Variants in HYDIN observed in about 807,000 individuals in gnomAD.
HYDIN encodes axonemal central pair apparatus protein HYDIN.
HYDIN carries 132 observed loss-of-function variants against 403.9 expected under a neutral mutation model. That is an observed-to-expected ratio of 0.33 (90% CI 0.28 to 0.38). HYDIN has a LOEUF of 0.38. HYDIN is among the 10% of genes least tolerant of loss of function. The probability of loss-of-function intolerance (pLI) is 1.00; values close to 1 mark genes in which losing one functional copy is unlikely to be tolerated. For synonymous variants in HYDIN, 1,202 were observed against 1,891.7 expected (o/e 0.64, Z 9.46); for missense variants, 2,827 against 5,009.5 (o/e 0.56, Z 13.15).
At chr16:71,058,423 T>C (rs2081971348) in intron 18 of HYDIN, among the ~76,000 whole-genome samples, 1 of 112,132 alleles carries the variant, frequency 8.9e-6, no homozygotes, top group Admixed American at 9.9e-5. Context: ...AAGGGGAACA[T>C]CACACTCTGG....
intron 8 of HYDIN, among the ~76,000 whole-genome samples, chr16:71,134,041 G>A (rs2084816298): frequency 6.6e-6 from 1 of 151,976 alleles, no homozygotes; most frequent in Admixed American, 6.5e-5. Context: ...ATACTTTGAG[G>A]TAGGTGTGGA....
chr16:71,126,615 G>A (rs985557880), intron 9 of HYDIN, among the ~76,000 whole-genome samples: 2 of 152,116 alleles, frequency 1.3e-5, no homozygotes, highest in African/African-American at 4.8e-5. Flanking sequence ...TCCTGAGGAT[G>A]GGTGGCCCTG....
chr16:71,151,433 G>C (rs1465815010), intron 7 of HYDIN, among the ~76,000 whole-genome samples: 3 of 150,574 alleles, frequency 2.0e-5, no homozygotes, highest in Non-Finnish European at 4.4e-5. Flanking sequence ...TCCTTCTCTG[G>C]GTGTACCTTC....
intron 43 of HYDIN, among the ~76,000 whole-genome samples, chr16:70,939,240 T>C (rs2077595045): frequency 1.3e-5 from 2 of 152,128 alleles, no homozygotes; most frequent in African/African-American, 4.8e-5. Flanking sequence ...AAAAAGGGGC[T>C]ACCTAACAGC....
intron 69 of HYDIN, 110 bp from the exon 70 acceptor site, chr16:70,861,011 A>G: frequency 1.2e-6 from 1 of 822,840 alleles, no homozygotes; most frequent in South Asian, 1.7e-5. Flanking sequence ...CTATGGGAGC[A>G]GAGGCTGGGT....
intron 30 of HYDIN, among the ~76,000 whole-genome samples, chr16:70,977,096 C>T (rs1030700539): frequency 2.6e-5 from 4 of 152,106 alleles, no homozygotes; most frequent in African/African-American, 9.7e-5. Context: ...CCCCACCCCA[C>T]TGCTCTCCTA....
At chr16:71,146,274 A>T (rs952649466) in intron 7 of HYDIN, among the ~76,000 whole-genome samples, 1 of 150,646 alleles carries the variant, frequency 6.6e-6, no homozygotes, top group Admixed American at 6.6e-5. Context: ...TCTAATTCTA[A>T]GGCCACATTT....
At chr16:71,018,745 A>AT (rs1411603519) in intron 22 of HYDIN, among the ~76,000 whole-genome samples, 2 of 152,284 alleles carry the variant, frequency 1.3e-5, no homozygotes, top group Non-Finnish European at 1.5e-5. Flanking sequence ...AGAGATTTTG[A>AT]TAAGTGTTGT....
intron 81 of HYDIN, 64 bp from the exon 82 acceptor site, chr16:70,828,493 A>G (rs1299688051): frequency 9.0e-7 from 1 of 1,110,462 alleles, no homozygotes; most frequent in Admixed American, 2.2e-5. Context: ...CTTATTGGAC[A>G]TGTAGAGACC....
chr16:71,220,879 A>G (rs1261358847), intron 1 of HYDIN, among the ~76,000 whole-genome samples: 2 of 152,228 alleles, frequency 1.3e-5, no homozygotes, highest in Non-Finnish European at 2.9e-5. Context: ...CTCCTGCTGA[A>G]AACAACTAAA....
At chr16:70,909,252 T>A (rs2076623140) in intron 47 of HYDIN, among the ~76,000 whole-genome samples, 1 of 152,146 alleles carries the variant, frequency 6.6e-6, no homozygotes, top group South Asian at 2.1e-4. Context: ...TCCTTCTCTT[T>A]ATTCTTAGAA....
intron 45 of HYDIN, among the ~76,000 whole-genome samples, chr16:70,928,556 G>C (rs1295303234): frequency 4.0e-5 from 6 of 148,702 alleles, no homozygotes. Flanking sequence ...AGAAACACTT[G>C]AAGGTGATGG....
chr16:71,049,036 G>C (rs1235519985), intron 18 of HYDIN, among the ~76,000 whole-genome samples: 1 of 152,374 alleles, frequency 6.6e-6, no homozygotes, highest in African/African-American at 2.4e-5. Flanking sequence ...CATAGAAAAA[G>C]AGGCGCAATT....
intron 1 of HYDIN, among the ~76,000 whole-genome samples, chr16:71,204,725 T>A (rs891683488): frequency 6.6e-6 from 1 of 152,176 alleles, no homozygotes; most frequent in Admixed American, 6.5e-5. Flanking sequence ...TTGGTAAATA[T>A]TGAGAGGAAA....
At chr16:70,980,534 T>TATATAA (rs1010320995) in intron 29 of HYDIN, among the ~76,000 whole-genome samples, 3 of 147,100 alleles carry the variant, frequency 2.0e-5, no homozygotes, top group South Asian at 2.1e-4. Flanking sequence ...CCTATATATA[T>TATATAA]ATATAAATAT....
At position 71,031,131 on chromosome 16, in the gene HYDIN, C is replaced by T. The variant is rs573654288; in HGVS notation, c.2768+548G>A. On this transcript the variant is annotated intron_variant, in intron 19 of 85. Transcript: ENST00000393567. The stretch of plus-strand genomic sequence containing the variant: ...AGGAGAATGGCGTGAACCCGGGAGG[C>T]GGAGCTTGCAGTGAGCAGAGATCGC... Among the ~76,000 whole-genome samples, 8 of 137,858 alleles carry T rather than the reference C, an allele frequency of 5.8e-5. No individual in the cohort carries two copies. In the South Asian group the frequency reaches 7.3e-4, roughly 13 times the overall value. The allele number at this position is 137,858 out of a possible 152,430, so 90.4% of individuals were successfully genotyped here. A position where few individuals can be genotyped will look rare whatever the true frequency, so the allele number is the denominator to read the frequency against.
intron 5 of HYDIN, among the ~76,000 whole-genome samples, chr16:71,167,354 GT>G (rs1447127610): frequency 6.7e-6 from 1 of 148,656 alleles, no homozygotes; most frequent in Admixed American, 6.7e-5. Context: ...GCCAGCATAT[GT>G]TTTTTTGGGA....
rs79196231 is a variant in HYDIN, at chr16:71,216,067, T to C, written c.-24+14495A>G. ...CAACTTCAGAAAACATATTCCATCA[T>C]CTAGTAAACTTAAAGATACGTATGT... is the stretch of plus-strand genomic sequence containing the variant. On this transcript the variant is annotated intron_variant, in intron 1 of 85. Transcript: ENST00000393567. 6.5e-3 allele frequency among the ~76,000 whole-genome samples: 991 copies of C among 152,246 alleles called. 23 individuals carry two copies. In the East Asian group the frequency reaches 0.065, roughly 10 times the overall value.
intron 9 of HYDIN, among the ~76,000 whole-genome samples, chr16:71,118,001 G>A (rs1318821092): frequency 6.6e-6 from 1 of 151,968 alleles, no homozygotes; most frequent in East Asian, 1.9e-4. Context: ...GAGTAAGAAT[G>A]TTTCCTTATG....
Sources: allele counts gnomAD v4.1 joint callset (sites outside exome capture counted in the v4.1 genomes callset), GRCh38; gene constraint gnomAD v4.1.1; transcripts MANE v1.5; gene names NCBI Gene and HGNC (gene_info 2026-07-23, HGNC 2026-07-21).